Variants in ATXN10 observed in about 807,000 individuals in gnomAD.
The protein encoded by ATXN10 is ataxin-10.
Under a neutral mutation model 52.9 loss-of-function variants are expected in ATXN10, and 28 were observed. That is an observed-to-expected ratio of 0.53 (90% CI 0.39 to 0.73). ATXN10 has a LOEUF of 0.73. Among genes scored for constraint, ATXN10 ranks in the 30% least tolerant of loss-of-function variants. The pLI is 0.00. For synonymous variants in ATXN10, 226 were observed against 221.5 expected, an observed-to-expected ratio of 1.02 and a Z score of -0.18; for missense variants, 565 against 577.0, an observed-to-expected ratio of 0.98 and a Z score of 0.21.
intron 2 of ATXN10, among the ~76,000 whole-genome samples, chr22:45,692,166 T>C (rs1923408482): frequency 6.6e-6 from 1 of 152,274 alleles, no homozygotes; most frequent in African/African-American, 2.4e-5. Flanking sequence ...CACAAGTTTA[T>C]GTTAATACTT....
rs530996207 is a variant in ATXN10, at chr22:45,841,494, G to A, written c.1238-1497G>A. Among the ~76,000 whole-genome samples the A allele has an allele frequency of 1.3e-5, 2 of 152,258 alleles. No individual in the cohort carries two copies. Among genetic ancestry groups the A allele is most frequent in the Non-Finnish European group, 2.9e-5 (2 of 68,038 alleles). On this transcript the variant is annotated intron_variant, in intron 10 of 11. Transcript: ENST00000252934. The surrounding 1 kb of genome is among the most constrained non-coding windows in gnomAD (Gnocchi z 5.1). ...ACGACCACAGCTGTGGAGGAGCTGG[G>A]AGACACAGGCCAGGAGCTTAAGTGC...
rs1371416719 is a variant in ATXN10, at chr22:45,823,439, A to G, written c.1237+16417A>G. On this transcript the variant is annotated intron_variant, in intron 10 of 11. Coordinates refer to ENST00000252934, the MANE Select transcript of ATXN10 (RefSeq NM_013236.4). The surrounding 1 kb of genome is among the most constrained non-coding windows in gnomAD (Gnocchi z 4.9). Reference sequence around the variant, plus strand: ...ACAGTAGGGATTCTGTCTTTTTTTAATTTCCCCTGCGATTATGCAGTTGTT... The same window carrying G: ...ACAGTAGGGATTCTGTCTTTTTTTAGTTTCCCCTGCGATTATGCAGTTGTT... Among the ~76,000 whole-genome samples, 2 of 151,860 alleles carry G rather than the reference A, an allele frequency of 1.3e-5. No homozygotes were observed. Among genetic ancestry groups the G allele is most frequent in the Admixed American group, 1.3e-4 (2 of 15,258 alleles).
rs1364936784 is a variant in ATXN10, at chr22:45,840,238, A to T, written c.1238-2753A>T. Among the ~76,000 whole-genome samples, 3 of 152,282 alleles carry T rather than the reference A, an allele frequency of 2.0e-5. No individual in the cohort carries two copies. In the East Asian group the frequency reaches 5.8e-4, roughly 29 times the overall value. ...TGTGCTGGGAACGAGACTCGGTGCT[A>T]GGATATCGAAGTCAATTAGATGGGG... On this transcript the variant is annotated intron_variant, in intron 10 of 11. Transcript: ENST00000252934. This position sits in a 1 kb window ranked among gnomAD's most constrained non-coding sequence, Gnocchi z 5.8.
In ATXN10 at chr22:45,826,648, A is replaced by T. The variant is rs756685329; in HGVS notation, c.1238-16343A>T. 1.3e-5 allele frequency among the ~76,000 whole-genome samples: 2 copies of T among 152,250 alleles called. No individual in the cohort carries two copies. Among genetic ancestry groups the T allele is most frequent in the African/African-American group, 4.8e-5 (2 of 41,462 alleles). On this transcript the variant is annotated intron_variant, in intron 10 of 11. Coordinates refer to ENST00000252934, the MANE Select transcript of ATXN10 (RefSeq NM_013236.4). The surrounding 1 kb of genome is among the most constrained non-coding windows in gnomAD (Gnocchi z 5.0). Reference sequence around the variant, plus strand: ...GTGGGCCAAAATGTTCAAAGTGCAAAAAGAAAAAACTGTCAACTAAGAATC... The same window carrying T: ...GTGGGCCAAAATGTTCAAAGTGCAATAAGAAAAAACTGTCAACTAAGAATC...
Position 45,843,938 on chromosome 22 carries a change from G to A in ATXN10, c.*267G>A, listed in dbSNP as rs547341710. The A allele has an allele frequency of 2.0e-6, 1 of 505,598 alleles. No homozygotes were observed. The highest frequency in any genetic ancestry group is 3.5e-5 in the Admixed American group (1 of 28,746). The allele number at this position is 505,598 out of a possible 1,614,324, so 31.3% of individuals were successfully genotyped here. A position where few individuals can be genotyped will look rare whatever the true frequency, so the allele number is the denominator to read the frequency against. ...TTAAAGAATATATTGTACTTACTGTGACAGCAGATAATAAACCAGTCTCTT... is the reference window on the plus strand; with the variant it reads ...TTAAAGAATATATTGTACTTACTGTAACAGCAGATAATAAACCAGTCTCTT... On this transcript the variant is annotated 3_prime_UTR_variant, in exon 12 of 12. Transcript: ENST00000252934. This position sits in a 1 kb window ranked among gnomAD's most constrained non-coding sequence, Gnocchi z 4.5.
rs184187671 is a variant in ATXN10, at chr22:45,774,123, C to T, written c.1174-32836C>T. Among the ~76,000 whole-genome samples the T allele has an allele frequency of 5.3e-5, 8 of 152,322 alleles. No individual in the cohort carries two copies. Among genetic ancestry groups the T allele is most frequent in the African/African-American group, 1.2e-4 (5 of 41,568 alleles). ...CACCATTTCAGCATGTGCATGTGTG[C>T]GCTGGCACTCTGGGAAGTACTGTGA... On this transcript the variant is annotated intron_variant, in intron 9 of 11. Coordinates refer to ENST00000252934, the MANE Select transcript of ATXN10 (RefSeq NM_013236.4). This position sits in a 1 kb window ranked among gnomAD's most constrained non-coding sequence, Gnocchi z 6.2.
At chr22:45,743,864 G>A (rs879483385) in intron 9 of ATXN10, among the ~76,000 whole-genome samples, 4 of 152,204 alleles carry the variant, frequency 2.6e-5, no homozygotes, top group Non-Finnish European at 4.4e-5. Flanking sequence ...GTAGAATTTG[G>A]ATTTGTTTGC....
At chr22:45,751,061 G>C (rs927696980) in intron 9 of ATXN10, among the ~76,000 whole-genome samples, 2 of 152,076 alleles carry the variant, frequency 1.3e-5, no homozygotes, top group African/African-American at 4.8e-5. Flanking sequence ...CTCCTGAGTA[G>C]CTGGGATTAC....
At chr22:45,760,808 C>T (rs1199970164) in intron 9 of ATXN10, among the ~76,000 whole-genome samples, 1 of 152,014 alleles carries the variant, frequency 6.6e-6, no homozygotes, top group Admixed American at 6.6e-5. Context: ...TCATTTTAAG[C>T]CTCTTAGATT....
chr22:45,679,554 A>G (rs1922835036), intron 1 of ATXN10: 1 of 152,244 alleles, frequency 6.6e-6, no homozygotes, highest in Admixed American at 6.5e-5. Flanking sequence ...CCCGGACATT[A>G]CTGAGCCTCT....
At position 45,762,108 on chromosome 22, in the gene ATXN10, A is replaced by G. The variant is rs1025305181; in HGVS notation, c.1173+21570A>G. 6.6e-6 allele frequency among the ~76,000 whole-genome samples: 1 copy of G among 152,228 alleles called. No homozygotes were observed. Among genetic ancestry groups the G allele is most frequent in the Non-Finnish European group, 1.5e-5 (1 of 68,040 alleles). Reference sequence around the variant, plus strand: ...CCAACAAAAGTTACTCATAAAAGATAGTATTTTACTTGTAACAATTGCAGA... The same window carrying G: ...CCAACAAAAGTTACTCATAAAAGATGGTATTTTACTTGTAACAATTGCAGA... On this transcript the variant is annotated intron_variant, in intron 9 of 11. Transcript: ENST00000252934. This position sits in a 1 kb window ranked among gnomAD's most constrained non-coding sequence, Gnocchi z 4.3.
intron 7 of ATXN10, among the ~76,000 whole-genome samples, chr22:45,730,698 A>G (rs1002018500): frequency 1.1e-4 from 17 of 152,228 alleles, no homozygotes; most frequent in Non-Finnish European, 2.2e-4. Flanking sequence ...CGGCCTGCCA[A>G]GGTGCTGGGA....
Position 45,823,656 on chromosome 22 carries a change from A to G in ATXN10, c.1237+16634A>G, listed in dbSNP as rs986604169. On this transcript the variant is annotated intron_variant, in intron 10 of 11. Coordinates refer to ENST00000252934, the MANE Select transcript of ATXN10 (RefSeq NM_013236.4). The surrounding 1 kb of genome is among the most constrained non-coding windows in gnomAD (Gnocchi z 4.9). Reference sequence around the variant, plus strand: ...GTAGGGCCAATTTTGAATGTTAACCAACTTTTCATATATTATCCTTCTTAT... The same window carrying G: ...GTAGGGCCAATTTTGAATGTTAACCGACTTTTCATATATTATCCTTCTTAT... Among the ~76,000 whole-genome samples the G allele has an allele frequency of 8.5e-5, 13 of 152,130 alleles. No homozygotes were observed. The highest frequency in any genetic ancestry group is 1.9e-4 in the Non-Finnish European group (13 of 68,020).
intron 3 of ATXN10, among the ~76,000 whole-genome samples, chr22:45,697,641 TA>T (rs1380367329): frequency 1.3e-5 from 2 of 152,120 alleles, no homozygotes; most frequent in African/African-American, 2.4e-5. Flanking sequence ...TTTATTTATT[TA>T]TTTTTTTGAG....
intron 9 of ATXN10, among the ~76,000 whole-genome samples, chr22:45,804,195 C>T (rs1337221076): frequency 6.6e-6 from 1 of 152,184 alleles, no homozygotes; most frequent in East Asian, 1.9e-4. Flanking sequence ...CTCCAGACCT[C>T]ACCTTGAATA....
chr22:45,721,976 G>A (rs191851348), intron 6 of ATXN10, among the ~76,000 whole-genome samples: 7 of 152,258 alleles, frequency 4.6e-5, no homozygotes, highest in Admixed American at 2.6e-4. Flanking sequence ...GACTATGTAA[G>A]TACTGTATTT....
In ATXN10 at chr22:45,737,162, C is replaced by T. The variant is rs371050749; in HGVS notation, c.895-1569C>T. ...GCTTGATTTGTTTTCAGTCCGTTAC[C>T]GTTGTAATTCTTTCTGATGTTTAAT... On this transcript the variant is annotated intron_variant, in intron 7 of 11. Transcript: ENST00000252934. 1.3e-3 allele frequency among the ~76,000 whole-genome samples: 192 copies of T among 152,252 alleles called. 1 individual carries two copies. Among genetic ancestry groups the T allele is most frequent in the African/African-American group, 4.4e-3 (183 of 41,538 alleles).
chr22:45,691,816 G>A (rs770726794), intron 2 of ATXN10, among the ~76,000 whole-genome samples: 8 of 152,262 alleles, frequency 5.3e-5, no homozygotes, highest in Admixed American at 2.6e-4. Context: ...TCACTTGAAC[G>A]GGGAAAGCGG....
intron 10 of ATXN10, among the ~76,000 whole-genome samples, chr22:45,812,994 G>C (rs539402963): frequency 1.4e-4 from 21 of 152,278 alleles, no homozygotes; most frequent in Non-Finnish European, 2.9e-4. Flanking sequence ...AGACCACCAG[G>C]GATTTCCAAA....
Sources: gnomAD v4.1 joint callset for allele counts (sites outside exome capture counted in the v4.1 genomes callset) on GRCh38, gnomAD v4.1.1 for gene constraint, Gnocchi (gnomAD v3.1) non-coding constraint, MANE v1.5 for transcripts, NCBI Gene and HGNC (gene_info 2026-07-23, HGNC 2026-07-21) for gene names.